Variants in MORN3 observed in about 807,000 individuals in gnomAD.
The protein encoded by MORN3 is MORN repeat-containing protein 3.
A neutral mutation model predicts 34.7 loss-of-function variants in MORN3; 38 were observed. That is an observed-to-expected ratio of 1.10 (90% CI 0.85 to 1.44). MORN3 has a LOEUF of 1.44. Ranked by LOEUF, MORN3 falls within the 40% of genes most tolerant of loss-of-function variation. The probability of loss-of-function intolerance (pLI) is 0.00; values close to 1 mark genes in which losing one functional copy is unlikely to be tolerated. For synonymous variants in MORN3, 109 were observed against 115.3 expected, an observed-to-expected ratio of 0.95 and a Z score of 0.35; for missense variants, 311 against 321.7, an observed-to-expected ratio of 0.97 and a Z score of 0.25.
chr12:121,661,318 A>G lies in MORN3; in HGVS notation c.146-1970T>C, dbSNP rs1317524635. 2.6e-5 allele frequency among the ~76,000 whole-genome samples: 4 copies of G among 152,260 alleles called. No homozygotes were observed. In the East Asian group the frequency reaches 5.8e-4, roughly 22 times the overall value. ...TACCCAGGCTGGTCTTGAACTCTTGAGCTAAAGAGATTCTCCCTTCTCAGC... is the reference window on the plus strand; with the variant it reads ...TACCCAGGCTGGTCTTGAACTCTTGGGCTAAAGAGATTCTCCCTTCTCAGC... On this transcript the variant is annotated intron_variant, in intron 1 of 5. Coordinates refer to ENST00000355329, the MANE Select transcript of MORN3 (RefSeq NM_173855.5).
chr12:121,665,278 C>T (rs1406489916), intron 1 of MORN3, among the ~76,000 whole-genome samples: 15 of 50,620 alleles, frequency 3.0e-4, no homozygotes, highest in East Asian at 7.8e-4. Flanking sequence ...TTTTTCTTTC[C>T]TTTTTTTTTT....
intron 1 of MORN3, among the ~76,000 whole-genome samples, chr12:121,660,789 C>T (rs896388051): frequency 4.0e-5 from 6 of 151,882 alleles, no homozygotes; most frequent in African/African-American, 1.5e-4. Flanking sequence ...CCACCTCATC[C>T]CCCCAAGTAG....
At chr12:121,669,833 T>TATATATATATATATATATATA (rs199792815), upstream of MORN3, among the ~76,000 whole-genome samples, 1 of 103,658 alleles carries the variant, frequency 9.6e-6, no homozygotes, top group South Asian at 2.6e-4. Context: ...TATATATATA[T>TATATATATATATATATATATA]TTTTTTTTTT....
At chr12:121,670,716 T>C (rs1317002032), upstream of MORN3, among the ~76,000 whole-genome samples, 1 of 143,236 alleles carries the variant, frequency 7.0e-6, no homozygotes, top group African/African-American at 2.6e-5. Context: ...GGCTGAGGCA[T>C]GAGAACAGCT....
At chr12:121,669,830 A>T (rs865841021), upstream of MORN3, among the ~76,000 whole-genome samples, 2,174 of 117,784 alleles carry the variant, frequency 0.018, 19 homozygotes, top group Non-Finnish European at 0.026. Flanking sequence ...ATATATATAT[A>T]TATTTTTTTT....
rs1468948024 is a variant in MORN3, at chr12:121,651,313, G to T, written c.*338C>A. On this transcript the variant is annotated 3_prime_UTR_variant, in exon 6 of 6. Transcript: ENST00000355329. ...AACCCAGGCAGCCCAGCCAAGGCAG[G>T]TCTTCCCTCTTCTAAACCTGAAAGC... 1 of 152,284 alleles carries T rather than the reference G, an allele frequency of 6.6e-6. No individual in the cohort carries two copies. The highest frequency in any genetic ancestry group is 1.5e-5 in the Non-Finnish European group (1 of 68,214). 9.4% of individuals were successfully genotyped at this position (152,284 alleles called of 1,614,324 possible).
intron 2 of MORN3, among the ~76,000 whole-genome samples, chr12:121,658,565 C>CAAA (rs62682762): frequency 2.6e-4 from 18 of 68,724 alleles, no homozygotes; most frequent in South Asian, 6.1e-4. Flanking sequence ...GACTCCCTCT[C>CAAA]AAAAAAAAAA....
rs776830154 is a variant in MORN3 at position 121,669,376 on chromosome 12, G to T, written c.108C>A (p.Asp36Glu). The T allele has an allele frequency of 6.2e-7, 1 of 1,613,898 alleles. No homozygotes were observed. Among genetic ancestry groups the T allele is most frequent in the African/African-American group, 1.3e-5 (1 of 74,918 alleles). The change falls in exon 1 of 6, where the codon GAC becomes GAA. Residue 36 changes from aspartate to glutamate, a missense_variant. Physicochemically the swap from Asp to Glu is conservative, Grantham distance 45. Transcript: ENST00000355329. ...TGTCCTTCCACTCGCCCACATAGTA[G>T]TCGCCATTCACAGCGTATACCTGGC... ...LRSQVYAVNG[D>E]YYVGEWKDNV... is the part of the protein sequence containing the mutation.
upstream of MORN3, among the ~76,000 whole-genome samples, chr12:121,669,817 T>C (rs1893894272): frequency 8.5e-6 from 1 of 118,052 alleles, no homozygotes; most frequent in Non-Finnish European, 1.7e-5. Flanking sequence ...TATATACATA[T>C]ATATATATAT....
At position 121,669,624 on chromosome 12, in the gene MORN3, G is replaced by T; in HGVS notation, c.-141C>A. On this transcript the variant is annotated 5_prime_UTR_variant, in exon 1 of 6. It adds an upstream start codon to the 5' untranslated region. Transcript: ENST00000355329. ...TCTGAGTCCCTGGGGCAGGTGAACA[G>T]CCCTTAGTGGGGATCCTTTAGTGCT... 8.5e-7 allele frequency: 1 copy of T among 1,181,160 alleles called. No individual in the cohort carries two copies. Among genetic ancestry groups the T allele is most frequent in the Non-Finnish European group, 1.2e-6 (1 of 835,388 alleles). 73.2% of individuals were successfully genotyped at this position (1,181,160 alleles called of 1,614,324 possible). A position where few individuals can be genotyped will look rare whatever the true frequency, so the allele number is the denominator to read the frequency against.
chr12:121,660,539 C>T (rs373708713), intron 1 of MORN3, among the ~76,000 whole-genome samples: 12 of 151,318 alleles, frequency 7.9e-5, no homozygotes, highest in East Asian at 5.9e-4. Context: ...TTAGTAGAGA[C>T]GGGGTTTTAC....
chr12:121,655,537 C>T (rs937365909), intron 2 of MORN3, among the ~76,000 whole-genome samples: 5 of 151,384 alleles, frequency 3.3e-5, no homozygotes, highest in Admixed American at 1.3e-4. Context: ...TGGCAAAACC[C>T]TGTCTCTATT....
At chr12:121,671,394 A>C (rs1893964425), upstream of MORN3, among the ~76,000 whole-genome samples, 1 of 141,754 alleles carries the variant, frequency 7.1e-6, no homozygotes, top group Admixed American at 7.1e-5. Flanking sequence ...CAACAGAGCA[A>C]GACTCCATCT....
In MORN3 at chr12:121,654,326, G is replaced by C. The variant is rs782625580; in HGVS notation, c.411C>G (p.Tyr137Ter). ...GRMYYSNGDIYEGQWENDKPN... is the reference protein window; with the variant it reads ...GRMYYSNGDI Reference sequence around the variant, plus strand: ...GCTTGTCGTTCTCCCACTGTCCCTCGTAGATGTCGCCGTTGCTGTAATACA... The same window carrying C: ...GCTTGTCGTTCTCCCACTGTCCCTCCTAGATGTCGCCGTTGCTGTAATACA... Residue 137 changes from tyrosine (Y) to a stop codon, truncating the protein, a stop_gained, in exon 3 of 6, where the codon TAC becomes TAG. Coordinates refer to ENST00000355329, the MANE Select transcript of MORN3 (RefSeq NM_173855.5). LOFTEE classifies it high-confidence loss of function. The C allele has an allele frequency of 2.5e-6, 4 of 1,602,830 alleles. No homozygotes were observed. The highest frequency in any genetic ancestry group is 1.3e-5 in the African/African-American group (1 of 74,948).
At position 121,651,923 on chromosome 12, in the gene MORN3, G is replaced by GGTTTGTTT. The variant is rs199928766; in HGVS notation, c.*7-287_*7-280dup. Among the ~76,000 whole-genome samples, 344 of 151,988 alleles carry GGTTTGTTT rather than the reference G, an allele frequency of 2.3e-3. 2 individuals carry two copies. Among genetic ancestry groups the GGTTTGTTT allele is most frequent in the African/African-American group, 7.9e-3 (326 of 41,376 alleles). ...GGAATGCACTGGTCTTCAGTGAAAT[G>GGTTTGTTT]GTTTGTTTGTTTGTTTATTTGTTTG... On this transcript the variant is annotated intron_variant, in intron 5 of 5. Transcript: ENST00000355329.
At chr12:121,658,000 C>G (rs567920878) in intron 2 of MORN3, among the ~76,000 whole-genome samples, 1 of 152,226 alleles carries the variant, frequency 6.6e-6, no homozygotes, top group African/African-American at 2.4e-5. Context: ...AAGAAGACAG[C>G]TTTGACTCCC....
In MORN3 at chr12:121,665,214, C is replaced by T. The variant is rs376022292; in HGVS notation, c.145+4125G>A. On this transcript the variant is annotated intron_variant, in intron 1 of 5. Transcript: ENST00000355329. ...GGGGAAAGTCCCTAGCCTAACAGTA[C>T]TGGAGTACCTCGTATAGGAGTCCTG... Among the ~76,000 whole-genome samples the T allele has an allele frequency of 9.5e-5, 14 of 147,346 alleles. No individual in the cohort carries two copies. In the East Asian group the frequency reaches 1.8e-3, roughly 19 times the overall value.
chr12:121,662,658 G>A (rs1893618005), intron 1 of MORN3, among the ~76,000 whole-genome samples: 1 of 151,800 alleles, frequency 6.6e-6, no homozygotes, highest in Admixed American at 6.6e-5. Context: ...GGAGGCTAAG[G>A]CTGGAGAATC....
intron 3 of MORN3, 107 bp downstream of exon 3, chr12:121,654,167 A>T: frequency 1.1e-6 from 1 of 891,122 alleles, no homozygotes; most frequent in African/African-American, 1.7e-5. Context: ...TCAGTGTGGG[A>T]CAAGAGTGTG....
Sources: gnomAD v4.1 joint callset for allele counts (sites outside exome capture counted in the v4.1 genomes callset) on GRCh38, gnomAD v4.1.1 for gene constraint, MANE v1.5 for transcripts, NCBI Gene and HGNC (gene_info 2026-07-23, HGNC 2026-07-21) for gene names.